DNAH17: variants seen among roughly 807,000 people sequenced by gnomAD.
The protein encoded by DNAH17 is dynein axonemal heavy chain 17, also known as axonemal beta dynein heavy chain 17.
In DNAH17, 376 loss-of-function variants were observed where a neutral mutation model predicts 485.6. The observed-to-expected ratio is 0.77, with a 90% CI of 0.71 to 0.84. The LOEUF is 0.84. DNAH17 is among the 40% of genes least tolerant of loss of function. The pLI, the probability that DNAH17 is intolerant of heterozygous loss-of-function variation, is 0.00. For synonymous variants in DNAH17, 3,031 were observed against 2,405.9 expected (o/e 1.26, Z -7.60); for missense variants, 6,370 against 5,839.3 (o/e 1.09, Z -2.96).
At position 78,490,700 on chromosome 17, in the gene DNAH17, G is replaced by T; in HGVS notation, c.6817C>A (p.Pro2273Thr). The change falls in exon 44 of 81, where the codon CCG (proline) becomes ACG (threonine). Residue 2273 changes from proline to threonine, a missense_variant and splice_region_variant. Transcript: ENST00000389840. Reference sequence around the variant, plus strand: ...CAGGAAAGCCAAAGCCCCACTCACGGGTTCCATCCCAGGTCGGCTGGGTTG... The same window carrying T: ...CAGGAAAGCCAAAGCCCCACTCACGTGTTCCATCCCAGGTCGGCTGGGTTG... ...YINPADLGWN[P>T]VVSSWIERRK... 26 of 1,606,432 alleles carry T rather than the reference G, an allele frequency of 1.6e-5. No homozygotes were observed. Among genetic ancestry groups the T allele is most frequent in the Non-Finnish European group, 2.1e-5 (25 of 1,175,972 alleles).
intron 55 of DNAH17, 43 bp from the exon 56 acceptor site, chr17:78,466,859 G>A (rs2088491727): frequency 6.7e-7 from 1 of 1,500,386 alleles, no homozygotes; most frequent in Non-Finnish European, 8.9e-7. Context: ...TGGGACTGCA[G>A]TGCTGGGGCC....
chr17:78,570,479 G>T, intron 6 of DNAH17, 107 bp from the exon 7 acceptor site: 1 of 1,417,066 alleles, frequency 7.1e-7, no homozygotes, highest in East Asian at 2.6e-5. Context: ...TCCAGCAGAG[G>T]GTTCCCAAAG....
chr17:78,566,980 A>C lies in DNAH17; in HGVS notation c.1452+19T>G, dbSNP rs1598740868. The C allele has an allele frequency of 6.3e-7, 1 of 1,599,490 alleles. No homozygotes were observed. The highest frequency in any genetic ancestry group is 8.5e-7 in the Non-Finnish European group (1 of 1,172,122). On this transcript the variant is annotated intron_variant, in intron 10 of 80. Coordinates refer to ENST00000389840, the MANE Select transcript of DNAH17 (RefSeq NM_173628.4). ...GTTCTCACCGAGTCCAGTTCATCCA[A>C]CCCTGCCCGAGGACCTACCGAGTCT...
At chr17:78,566,855 G>T in intron 10 of DNAH17, 125 bp from the exon 11 acceptor site, 1 of 1,305,358 alleles carries the variant, frequency 7.7e-7, no homozygotes, top group Non-Finnish European at 1.1e-6. Context: ...CTGTTGCGGG[G>T]ACCGCTCTAC....
intron 47 of DNAH17, 80 bp from the exon 48 acceptor site, chr17:78,485,113 TC>T (rs1256695173): frequency 6.8e-7 from 1 of 1,461,602 alleles, no homozygotes; most frequent in Non-Finnish European, 9.1e-7. Flanking sequence ...GCTACCTGCT[TC>T]CCCGGAGGAC....
Position 78,494,106 on chromosome 17 carries a change from T to C in DNAH17, c.6338A>G (p.Gln2113Arg), listed in dbSNP as rs1411673712. 1 of 1,612,924 alleles carries C rather than the reference T, an allele frequency of 6.2e-7. No homozygotes were observed. Among genetic ancestry groups the C allele is most frequent in the South Asian group, 1.1e-5 (1 of 91,054 alleles). ...GCGGACCTGCAGCAGCTCCTCCAGC[T>C]GCACCACCTTCAGCACGAAGCTGTC... ...AEDSFVLKVV[Q>R]LEELLQVRHS... Residue 2113 changes from glutamine (Q) to arginine (R), a missense_variant, in exon 41 of 81, where the codon CAG becomes CGG. Transcript: ENST00000389840.
At chr17:78,528,692 G>C (rs945128533) in intron 22 of DNAH17, among the ~76,000 whole-genome samples, 10 of 152,096 alleles carry the variant, frequency 6.6e-5, no homozygotes, top group Non-Finnish European at 1.3e-4. Context: ...GTGGCTGGGA[G>C]GCAGCTCTAG....
intron 70 of DNAH17, among the ~76,000 whole-genome samples, chr17:78,445,003 C>CG (rs998000560): frequency 6.6e-6 from 1 of 152,052 alleles, no homozygotes; most frequent in African/African-American, 2.4e-5. Flanking sequence ...GGAGCCTCCT[C>CG]GGCAGGGTCT....
chr17:78,502,537 C>T, intron 33 of DNAH17, 54 bp downstream of exon 33: 3 of 1,526,820 alleles, frequency 2.0e-6, no homozygotes, highest in African/African-American at 1.4e-5. Context: ...GGCCCATGCA[C>T]CTGCTTTTTA....
In DNAH17 at chr17:78,468,908, G is replaced by C. The variant is rs1271775574; in HGVS notation, c.8512-25C>G. On this transcript the variant is annotated intron_variant, in intron 54 of 80. Coordinates refer to ENST00000389840, the MANE Select transcript of DNAH17 (RefSeq NM_173628.4). ...TCTGGACGGAGTGAGGACACGCTTAGGGGCCTTGGTAAAAAGATGCTCAAT... is the reference window on the plus strand; with the variant it reads ...TCTGGACGGAGTGAGGACACGCTTACGGGCCTTGGTAAAAAGATGCTCAAT... The C allele has an allele frequency of 4.4e-6, 7 of 1,596,940 alleles. No individual in the cohort carries two copies. The African/African-American group carries it at 5.4e-5, about 12-fold the overall frequency.
chr17:78,528,082 A>C (rs967641417), intron 22 of DNAH17, among the ~76,000 whole-genome samples: 2 of 151,892 alleles, frequency 1.3e-5, no homozygotes, highest in Admixed American at 6.6e-5. Flanking sequence ...CCGGGCCATA[A>C]AATATTTTAA....
chr17:78,496,082 A>G lies in DNAH17; in HGVS notation c.5746-50T>C, dbSNP rs778564726. 1.9e-6 allele frequency: 3 copies of G among 1,585,702 alleles called. No individual in the cohort carries two copies. The South Asian group carries it at 3.4e-5, about 18-fold the overall frequency. On this transcript the variant is annotated intron_variant, in intron 37 of 80. Coordinates refer to ENST00000389840, the MANE Select transcript of DNAH17 (RefSeq NM_173628.4). ...GTTAGCATGGAAATGGCCAGCTTCC[A>G]CACACCAGAGAGGCCTTCACATATG...
intron 70 of DNAH17, among the ~76,000 whole-genome samples, chr17:78,445,330 G>A (rs1313706468): frequency 3.3e-5 from 5 of 152,138 alleles, no homozygotes; most frequent in Non-Finnish European, 7.4e-5. Flanking sequence ...CTGTGTGCAG[G>A]TCTCAGGGAC....
At chr17:78,540,125 A>G (rs1476393231) in intron 17 of DNAH17, among the ~76,000 whole-genome samples, 1 of 152,038 alleles carries the variant, frequency 6.6e-6, no homozygotes, top group Non-Finnish European at 1.5e-5. Flanking sequence ...TTCCTCCCAA[A>G]GGAATCCTCC....
chr17:78,429,372 AGGCAG>A (rs1231247775), intron 75 of DNAH17, 72 bp from the exon 76 acceptor site: 7 of 1,512,608 alleles, frequency 4.6e-6, no homozygotes, highest in Non-Finnish European at 6.3e-6. Flanking sequence ...GGTCAGGCTC[AGGCAG>A]GCAGGGCGTG....
intron 44 of DNAH17, among the ~76,000 whole-genome samples, chr17:78,488,605 G>A (rs1417655089): frequency 1.3e-5 from 2 of 152,046 alleles, no homozygotes; most frequent in African/African-American, 4.8e-5. Flanking sequence ...TGCCTACCCT[G>A]AAAACTCCCA....
At chr17:78,428,383 T>A in intron 77 of DNAH17, 142 bp downstream of exon 77, 1 of 1,051,436 alleles carries the variant, frequency 9.5e-7, no homozygotes, top group Non-Finnish European at 1.4e-6. Context: ...TACCCCAGTG[T>A]TTCTGATACC....
rs192666917 is a variant in DNAH17, at chr17:78,454,085, C to T, written c.10406+385G>A. Among the ~76,000 whole-genome samples, 8 of 152,240 alleles carry T rather than the reference C, an allele frequency of 5.3e-5. No homozygotes were observed. The East Asian group carries it at 5.8e-4, about 11-fold the overall frequency. ...CACCCGCCATTGGATTTTCCAGCAC[C>T]GCTAGGAAGCAGGGCATCACTGTAC... On this transcript the variant is annotated intron_variant, in intron 64 of 80. Coordinates refer to ENST00000389840, the MANE Select transcript of DNAH17 (RefSeq NM_173628.4).
At chr17:78,439,052 C>A in intron 73 of DNAH17, 38 bp downstream of exon 73, 1 of 1,602,092 alleles carries the variant, frequency 6.2e-7, no homozygotes, top group Non-Finnish European at 8.5e-7. Context: ...CACCTCAGTG[C>A]GGGGAGCCCT....
Sources: allele counts gnomAD v4.1 joint callset (sites outside exome capture counted in the v4.1 genomes callset), GRCh38; gene constraint gnomAD v4.1.1; transcripts MANE v1.5; gene names NCBI Gene and HGNC (gene_info 2026-07-23, HGNC 2026-07-21).